IPO11: variants seen among roughly 807,000 people sequenced by gnomAD.
The protein encoded by IPO11 is importin-11.
Under a neutral mutation model 143.2 loss-of-function variants are expected in IPO11, and 66 were observed. That is an observed-to-expected ratio of 0.46 (90% CI 0.38 to 0.57). The LOEUF (loss-of-function observed/expected upper bound fraction) is 0.57, where lower values mean the gene tolerates loss of function less well. IPO11 is among the 20% of genes least tolerant of loss of function. IPO11 has a pLI of 0.00. For missense variants in IPO11, 1,026 were observed against 1,141.0 expected, an observed-to-expected ratio of 0.90 and a Z score of 1.45; for synonymous variants, 385 against 377.8, an observed-to-expected ratio of 1.02 and a Z score of -0.22.
chr5:62,450,229 C>A (rs1744861424), intron 4 of IPO11, among the ~76,000 whole-genome samples: 1 of 152,032 alleles, frequency 6.6e-6, no homozygotes, highest in African/African-American at 2.4e-5. Flanking sequence ...TATTTGTATG[C>A]TTTTCAGCTT....
At chr5:62,581,407 A>T (rs1377104211) in intron 27 of IPO11, 1 of 900,200 alleles carries the variant, frequency 1.1e-6, no homozygotes, top group Non-Finnish European at 1.6e-6. Context: ...AATATAATGA[A>T]TTATATGAGG....
At chr5:62,536,533 A>G (rs925432947) in intron 22 of IPO11, among the ~76,000 whole-genome samples, 169 bp from the exon 23 acceptor site, 9 of 152,192 alleles carry the variant, frequency 5.9e-5, no homozygotes, top group Middle Eastern at 3.4e-3. Context: ...TTTAAGTCCT[A>G]GTGATGCCAG....
chr5:62,453,125 A>G (rs1295214947), intron 5 of IPO11, among the ~76,000 whole-genome samples: 2 of 151,020 alleles, frequency 1.3e-5, no homozygotes, highest in Admixed American at 1.3e-4. Context: ...GAAGAGGGTG[A>G]CATGGTGTTT....
chr5:62,444,388 G>A (rs1484682777), intron 3 of IPO11, among the ~76,000 whole-genome samples: 2 of 151,834 alleles, frequency 1.3e-5, no homozygotes, highest in Non-Finnish European at 2.9e-5. Flanking sequence ...CACTGTGCCC[G>A]GCCGGAGTAA....
At chr5:62,444,852 C>A (rs903033532) in intron 3 of IPO11, among the ~76,000 whole-genome samples, 1 of 151,382 alleles carries the variant, frequency 6.6e-6, no homozygotes, top group African/African-American at 2.4e-5. Context: ...CTGGGCGACA[C>A]AGTGAGACTA....
intron 22 of IPO11, among the ~76,000 whole-genome samples, chr5:62,534,493 G>C (rs1052120147): frequency 2.0e-5 from 3 of 152,038 alleles, no homozygotes; most frequent in African/African-American, 7.2e-5. Flanking sequence ...ATAAATAAAA[G>C]CAAATAGTAG....
chr5:62,523,836 A>G (rs1361538628), intron 20 of IPO11, among the ~76,000 whole-genome samples: 3 of 152,200 alleles, frequency 2.0e-5, no homozygotes, highest in African/African-American at 7.2e-5. Context: ...GTATATCATC[A>G]GTGTGTTCAT....
At chr5:62,523,014 T>C (rs946433619) in intron 20 of IPO11, among the ~76,000 whole-genome samples, 2 of 152,194 alleles carry the variant, frequency 1.3e-5, no homozygotes, top group African/African-American at 4.8e-5. Context: ...TCAAAATACC[T>C]GGTGCCATTA....
chr5:62,586,778 T>A (rs1214357867), intron 27 of IPO11, among the ~76,000 whole-genome samples: 1 of 131,394 alleles, frequency 7.6e-6, no homozygotes, highest in African/African-American at 2.9e-5. Context: ...AATATATATA[T>A]ATATATATAT....
Position 62,591,451 on chromosome 5 carries a change from G to C in IPO11, c.2583-126G>C. 5.0e-6 allele frequency: 3 copies of C among 602,732 alleles called. No homozygotes were observed. In the South Asian group the frequency reaches 6.5e-5, roughly 13 times the overall value. The allele number at this position is 602,732 out of a possible 1,614,324, so 37.3% of individuals were successfully genotyped here. A position where few individuals can be genotyped will look rare whatever the true frequency, so the allele number is the denominator to read the frequency against. On this transcript the variant is annotated intron_variant, in intron 27 of 29. Coordinates refer to ENST00000325324, the MANE Select transcript of IPO11 (RefSeq NM_016338.5). ...CTTTTTGTTATAAGAAATAGATTTT[G>C]AAAGTTTCTTTTGTATTTCACAGCT...
chr5:62,452,024 C>A, intron 5 of IPO11, 91 bp downstream of exon 5: 1 of 982,386 alleles, frequency 1.0e-6, no homozygotes, highest in Non-Finnish European at 1.6e-6. Flanking sequence ...TTTGGGAGGC[C>A]GAGGCGGGTG....
At chr5:62,518,443 CAA>C (rs34612879) in intron 20 of IPO11, among the ~76,000 whole-genome samples, 3 of 132,650 alleles carry the variant, frequency 2.3e-5, no homozygotes, top group African/African-American at 2.8e-5. Context: ...GACTCTGTCT[CAA>C]AAAAAAAAAA....
At chr5:62,568,203 A>C (rs367618912) in intron 27 of IPO11, among the ~76,000 whole-genome samples, 1 of 151,436 alleles carries the variant, frequency 6.6e-6, no homozygotes, top group East Asian at 2.0e-4. Context: ...AGCTCAAGCT[A>C]TCCACCCACC....
intron 5 of IPO11, among the ~76,000 whole-genome samples, chr5:62,461,949 G>C (rs933230202): frequency 2.0e-5 from 3 of 152,128 alleles, no homozygotes; most frequent in Non-Finnish European, 4.4e-5. Context: ...CAAAGTTAAG[G>C]ATTTTGAAGC....
chr5:62,449,773 A>G (rs1744844473), intron 3 of IPO11, 154 bp from the exon 4 acceptor site: 1 of 490,228 alleles, frequency 2.0e-6, no homozygotes, highest in East Asian at 3.4e-5. Flanking sequence ...AGTAGTGCCA[A>G]TATACAAGTA....
intron 5 of IPO11, among the ~76,000 whole-genome samples, chr5:62,452,263 TAAAAA>T (rs544304049): frequency 6.6e-6 from 1 of 150,854 alleles, no homozygotes; most frequent in Non-Finnish European, 1.5e-5. Context: ...TAAAATAAAA[TAAAAA>T]AAGAAAATTG....
At chr5:62,601,132 A>G (rs1745491902) in intron 28 of IPO11, 1 of 152,224 alleles carries the variant, frequency 6.6e-6, no homozygotes, top group African/African-American at 2.4e-5. Flanking sequence ...CATCAGTTTG[A>G]TTCACTAGAC....
At chr5:62,488,717 T>C (rs1242890965) in intron 13 of IPO11, among the ~76,000 whole-genome samples, 2 of 152,100 alleles carry the variant, frequency 1.3e-5, no homozygotes, top group East Asian at 3.9e-4. Flanking sequence ...TCAGAATGAG[T>C]GTTGGCCAGG....
chr5:62,536,914 G>A (rs1742754695), intron 23 of IPO11, 133 bp downstream of exon 23: 1 of 1,052,140 alleles, frequency 9.5e-7, no homozygotes, highest in Non-Finnish European at 1.3e-6. Context: ...TTGACTGTGA[G>A]CATTTCCCAT....
Sources: gnomAD v4.1 joint callset for allele counts (sites outside exome capture counted in the v4.1 genomes callset) on GRCh38, gnomAD v4.1.1 for gene constraint, MANE v1.5 for transcripts, NCBI Gene and HGNC (gene_info 2026-07-23, HGNC 2026-07-21) for gene names.